Variants in GRAMD1B observed in about 807,000 individuals in gnomAD.
GRAMD1B encodes the protein protein Aster-B.
In GRAMD1B, 37 loss-of-function variants were observed where a neutral mutation model predicts 99.7. The ratio of observed to expected loss-of-function variants is 0.37; its 90% CI spans 0.29 to 0.49. The LOEUF is 0.49. Among genes scored for constraint, GRAMD1B ranks in the 20% least tolerant of loss-of-function variants. The pLI is 0.98. For missense variants in GRAMD1B, 888 were observed against 1,009.2 expected (o/e 0.88, Z 1.63); for synonymous variants, 427 against 387.6 (o/e 1.10, Z -1.19).
At chr11:123,408,401 C>T (rs772228565) in intron 1 of GRAMD1B, among the ~76,000 whole-genome samples, 14 of 152,194 alleles carry the variant, frequency 9.2e-5, no homozygotes, top group Admixed American at 6.5e-5. Flanking sequence ...ATTGTTCTTA[C>T]TTTGTGTAGA....
At chr11:123,476,178 G>A (rs900128933) in intron 1 of GRAMD1B, among the ~76,000 whole-genome samples, 2 of 151,384 alleles carry the variant, frequency 1.3e-5, no homozygotes, top group African/African-American at 4.9e-5. Flanking sequence ...TTGGCTCACT[G>A]CAACCTCCAC....
At chr11:123,576,830 T>C (rs544342342) in intron 2 of GRAMD1B, among the ~76,000 whole-genome samples, 2 of 152,380 alleles carry the variant, frequency 1.3e-5, no homozygotes, top group African/African-American at 4.8e-5. Context: ...TTTTTTAACA[T>C]AGGGATTATG....
chr11:123,572,882 C>G (rs893772950), intron 2 of GRAMD1B, among the ~76,000 whole-genome samples: 1 of 147,778 alleles, frequency 6.8e-6, no homozygotes, highest in Non-Finnish European at 1.5e-5. Flanking sequence ...GCCCCGATGG[C>G]TGGGACAGGG....
At chr11:123,491,741 G>T in intron 2 of GRAMD1B, 1 of 396,776 alleles carries the variant, frequency 2.5e-6, no homozygotes, top group Non-Finnish European at 4.4e-6. Context: ...GGAGCCCACA[G>T]TTGACAGCTG....
chr11:123,620,491 A>AAG (rs1954981026), intron 19 of GRAMD1B, among the ~76,000 whole-genome samples: 1 of 151,602 alleles, frequency 6.6e-6, no homozygotes, highest in African/African-American at 2.4e-5. Context: ...AAAAAAAAAA[A>AAG]AAAAAGGGAA....
rs1308803965 is a variant in GRAMD1B, at chr11:123,591,908, G to C, written c.685-2174G>C. 6.6e-6 allele frequency among the ~76,000 whole-genome samples: 1 copy of C among 152,212 alleles called. No homozygotes were observed. Among genetic ancestry groups the C allele is most frequent in the East Asian group, 1.9e-4 (1 of 5,194 alleles). On this transcript the variant is annotated intron_variant, in intron 4 of 19. Transcript: ENST00000635736. This position sits in a 1 kb window ranked among gnomAD's most constrained non-coding sequence, Gnocchi z 4.7. Reference sequence around the variant, plus strand: ...CTCCCCTCTCCCTGCCACTGCTACAGCTTTGTTTTAAGGAAAGTAGCGGCC... The same window carrying C: ...CTCCCCTCTCCCTGCCACTGCTACACCTTTGTTTTAAGGAAAGTAGCGGCC...
At position 123,577,179 on chromosome 11, in the gene GRAMD1B, T is replaced by G. The variant is rs1162325445; in HGVS notation, c.453-188T>G. 2.6e-5 allele frequency among the ~76,000 whole-genome samples: 4 copies of G among 152,226 alleles called. No homozygotes were observed. The East Asian group carries it at 7.7e-4, about 29-fold the overall frequency. On this transcript the variant is annotated intron_variant, in intron 2 of 19. Transcript: ENST00000635736. ...CCACATGGGCACTGCTGCCCTCCCG[T>G]GGCCAACGGCAGTATTACGGTGCGG...
intron 1 of GRAMD1B, among the ~76,000 whole-genome samples, chr11:123,397,691 T>C (rs1947515029): frequency 6.6e-6 from 1 of 152,102 alleles, no homozygotes; most frequent in African/African-American, 2.4e-5. Context: ...TTGTTTTTTG[T>C]AGAGACAGAG....
chr11:123,592,869 G>A (rs1301357754), intron 4 of GRAMD1B, among the ~76,000 whole-genome samples: 1 of 152,030 alleles, frequency 6.6e-6, no homozygotes, highest in Non-Finnish European at 1.5e-5. Flanking sequence ...GTCACCCCCG[G>A]TGCTCCTCAT....
intron 1 of GRAMD1B, among the ~76,000 whole-genome samples, chr11:123,376,361 G>A (rs1379237525): frequency 6.6e-6 from 1 of 152,196 alleles, no homozygotes; most frequent in Non-Finnish European, 1.5e-5. Flanking sequence ...TCATGAAAAT[G>A]TGTTGAGTAA....
intron 1 of GRAMD1B, among the ~76,000 whole-genome samples, chr11:123,437,404 G>C (rs528800720): frequency 6.6e-6 from 1 of 152,274 alleles, no homozygotes; most frequent in South Asian, 2.1e-4. Context: ...TCACTCTCTG[G>C]AGGGGGAAGG....
At chr11:123,553,786 G>A (rs1445714308) in intron 2 of GRAMD1B, among the ~76,000 whole-genome samples, 1 of 152,132 alleles carries the variant, frequency 6.6e-6, no homozygotes, top group African/African-American at 2.4e-5. Flanking sequence ...GGCTCATAAT[G>A]CACAGACTAT....
chr11:123,359,181 C>T (rs1366061217), intron 1 of GRAMD1B, among the ~76,000 whole-genome samples: 1 of 152,126 alleles, frequency 6.6e-6, no homozygotes, highest in Non-Finnish European at 1.5e-5. Flanking sequence ...CTCCTCCTCT[C>T]TATCTTGCTG....
intron 2 of GRAMD1B, among the ~76,000 whole-genome samples, chr11:123,514,247 C>T (rs1941454588): frequency 6.6e-6 from 1 of 152,154 alleles, no homozygotes; most frequent in African/African-American, 2.4e-5. Flanking sequence ...TACATTTGAT[C>T]TGAGACCTGA....
intron 1 of GRAMD1B, among the ~76,000 whole-genome samples, chr11:123,396,108 T>G (rs1304741393): frequency 6.6e-6 from 1 of 152,112 alleles, no homozygotes; most frequent in Non-Finnish European, 1.5e-5. Flanking sequence ...TTGCTACTCC[T>G]TGGCTTCCCT....
intron 2 of GRAMD1B, among the ~76,000 whole-genome samples, chr11:123,512,059 G>GTCTCCGCTTCCTCTC (rs1941078639): frequency 6.6e-6 from 1 of 152,230 alleles, no homozygotes; most frequent in Admixed American, 6.5e-5. Context: ...TCTCTCCTCT[G>GTCTCCGCTTCCTCTC]TCTCCGCTTC....
At chr11:123,455,347 G>A (rs966759948) in intron 1 of GRAMD1B, among the ~76,000 whole-genome samples, 12 of 152,000 alleles carry the variant, frequency 7.9e-5, no homozygotes, top group Admixed American at 2.6e-4. Flanking sequence ...AAGGAGTCTC[G>A]AACTCCTGGG....
intron 1 of GRAMD1B, among the ~76,000 whole-genome samples, chr11:123,422,495 T>C (rs769782838): frequency 5.3e-5 from 8 of 152,250 alleles, no homozygotes; most frequent in Non-Finnish European, 1.0e-4. Flanking sequence ...ATTCCAATTT[T>C]TTGCTTGACA....
chr11:123,624,342 C>A lies in GRAMD1B; in HGVS notation c.*1747C>A, dbSNP rs989362959. On this transcript the variant is annotated 3_prime_UTR_variant, in exon 20 of 20. Coordinates refer to ENST00000635736, the MANE Select transcript of GRAMD1B (RefSeq NM_001387025.1). ...TCCCTGTGGCAATTACAGTTTTTGA[C>A]TTTTCCATGTGAGAATAAGGCCTTG... 9 of 152,284 alleles carry A rather than the reference C, an allele frequency of 5.9e-5. No individual in the cohort carries two copies. The highest frequency in any genetic ancestry group is 4.6e-4 in the Admixed American group (7 of 15,304). 9.4% of individuals were successfully genotyped at this position (152,284 alleles called of 1,614,324 possible). A position where few individuals can be genotyped will look rare whatever the true frequency, so the allele number is the denominator to read the frequency against.
Sources: gnomAD v4.1 joint callset for allele counts (sites outside exome capture counted in the v4.1 genomes callset) on GRCh38, gnomAD v4.1.1 for gene constraint, Gnocchi (gnomAD v3.1) non-coding constraint, MANE v1.5 for transcripts, NCBI Gene and HGNC (gene_info 2026-07-23, HGNC 2026-07-21) for gene names.